The following MYT1L variants were observed in gnomAD, a reference collection of about 807,000 sequenced individuals.
The protein encoded by MYT1L is myelin transcription factor 1 like.
In MYT1L, 12 loss-of-function variants were observed where a neutral mutation model predicts 126.7. The observed-to-expected ratio is 0.09, with a 90% confidence interval of 0.06 to 0.15. The LOEUF (loss-of-function observed/expected upper bound fraction) is 0.15. Among genes scored for constraint, MYT1L ranks in the 10% least tolerant of loss-of-function variants. MYT1L has a pLI of 1.00. For synonymous variants in MYT1L, 541 were observed against 604.2 expected, an observed-to-expected ratio of 0.90 and a Z score of 1.53; for missense variants, 979 against 1,585.2, an observed-to-expected ratio of 0.62 and a Z score of 6.49.
At chr2:2,004,816 A>ATTCTTTCCTGCATGTG (rs1160589393) in intron 4 of MYT1L, among the ~76,000 whole-genome samples, 2 of 111,724 alleles carry the variant, frequency 1.8e-5, no homozygotes, top group African/African-American at 7.0e-5. Context: ...TCCTGCAGGC[A>ATTCTTTCCTGCATGTG]TTCTTTCCTG....
At position 1,852,274 on chromosome 2, in the gene MYT1L, C is replaced by G. The variant is rs2043374394; in HGVS notation, c.2712-571G>C. ...TGCAGGCCGACTGTCTTTCCGATGA[C>G]CACTGTGCACTCAGGCAGGTTTGAT... On this transcript the variant is annotated intron_variant, in intron 18 of 24. Coordinates refer to ENST00000647738, the MANE Select transcript of MYT1L (RefSeq NM_001303052.2). The surrounding 1 kb of genome is among the most constrained non-coding windows in gnomAD (Gnocchi z 4.0). Among the ~76,000 whole-genome samples, 2 of 152,142 alleles carry G rather than the reference C, an allele frequency of 1.3e-5. No homozygotes were observed. The highest frequency in any genetic ancestry group is 2.9e-5 in the Non-Finnish European group (2 of 68,030).
intron 2 of MYT1L, among the ~76,000 whole-genome samples, chr2:2,198,939 C>A (rs1354790201): frequency 6.6e-6 from 1 of 152,034 alleles, no homozygotes. Context: ...TGCATTGAAA[C>A]ATCACACCAT....
chr2:1,920,225 C>T (rs2053399161), intron 10 of MYT1L, among the ~76,000 whole-genome samples: 1 of 152,174 alleles, frequency 6.6e-6, no homozygotes, highest in African/African-American at 2.4e-5. Context: ...CATCTCAGTT[C>T]TTACTGTTCA....
intron 15 of MYT1L, 102 bp downstream of exon 15, chr2:1,891,935 C>G: frequency 1.4e-6 from 2 of 1,433,314 alleles, no homozygotes; most frequent in Non-Finnish European, 1.8e-6. Flanking sequence ...ACGGCGTTTG[C>G]CCCATACAGC....
At chr2:2,153,405 A>G (rs1277900767) in intron 3 of MYT1L, among the ~76,000 whole-genome samples, 2 of 152,240 alleles carry the variant, frequency 1.3e-5, no homozygotes, top group Admixed American at 6.5e-5. Context: ...GGCTTTGCCC[A>G]AGCAGTCAGA....
At chr2:1,923,851 G>T (rs2053885281) in intron 9 of MYT1L, among the ~76,000 whole-genome samples, 1 of 152,228 alleles carries the variant, frequency 6.6e-6, no homozygotes, top group African/African-American at 2.4e-5. Context: ...TGAATTAAGA[G>T]TTCTTTTGAA....
chr2:1,823,731 C>T (rs573429007), intron 21 of MYT1L, among the ~76,000 whole-genome samples: 1 of 151,834 alleles, frequency 6.6e-6, no homozygotes, highest in Non-Finnish European at 1.5e-5. Context: ...AGGCTCCTGG[C>T]ACGAGCAGCG....
In MYT1L at chr2:1,791,734, T is replaced by A; in HGVS notation, c.*133A>T. ...TCTTTAAAGCAAGACATAAAATCATTATGAAGTCTTGTAAGCATAACACTG... is the reference window on the plus strand; with the variant it reads ...TCTTTAAAGCAAGACATAAAATCATAATGAAGTCTTGTAAGCATAACACTG... On this transcript the variant is annotated 3_prime_UTR_variant, in exon 25 of 25. Coordinates refer to ENST00000647738, the MANE Select transcript of MYT1L (RefSeq NM_001303052.2). This position sits in a 1 kb window ranked among gnomAD's most constrained non-coding sequence, Gnocchi z 6.0. 2 of 884,360 alleles carry A rather than the reference T, an allele frequency of 2.3e-6. No individual in the cohort carries two copies. The highest frequency in any genetic ancestry group is 3.3e-6 in the Non-Finnish European group (2 of 606,274). The allele number at this position is 884,360 out of a possible 1,614,324, so 54.8% of individuals were successfully genotyped here.
chr2:1,804,939 T>C (rs1032268910), intron 22 of MYT1L, among the ~76,000 whole-genome samples: 4 of 152,178 alleles, frequency 2.6e-5, no homozygotes, highest in Non-Finnish European at 1.5e-5. Context: ...CCTTCTCTCC[T>C]AAACACTGCC....
Position 1,852,213 on chromosome 2 carries a change from CA to C in MYT1L, c.2712-511del, listed in dbSNP as rs368249226. On this transcript the variant is annotated intron_variant, in intron 18 of 24. Coordinates refer to ENST00000647738, the MANE Select transcript of MYT1L (RefSeq NM_001303052.2). This position sits in a 1 kb window ranked among gnomAD's most constrained non-coding sequence, Gnocchi z 4.0. ...GGCCAGCCTGGGTGGTCCCAGGGAG[CA>C]GTGAGGGTATCGACCCGCATCTGGA... 3.9e-5 allele frequency among the ~76,000 whole-genome samples: 6 copies of C among 152,300 alleles called. No individual in the cohort carries two copies. Among genetic ancestry groups the C allele is most frequent in the Non-Finnish European group, 8.8e-5 (6 of 68,042 alleles).
rs1405435163 is a variant in MYT1L, at chr2:1,943,398, T to C, written c.153-64A>G. On this transcript the variant is annotated intron_variant, in intron 8 of 24. Transcript: ENST00000647738. This position sits in a 1 kb window ranked among gnomAD's most constrained non-coding sequence, Gnocchi z 4.4. ...AAAAAATATCTGTGTTACTGTCTTT[T>C]AAAATCAGACCAATGGGGGCCTTGA... 2 of 1,457,000 alleles carry C rather than the reference T, an allele frequency of 1.4e-6. No homozygotes were observed. The highest frequency in any genetic ancestry group is 1.8e-6 in the Non-Finnish European group (2 of 1,106,096). The allele number at this position is 1,457,000 out of a possible 1,614,324, so 90.3% of individuals were successfully genotyped here.
At chr2:2,031,521 C>T (rs2066252500) in intron 4 of MYT1L, among the ~76,000 whole-genome samples, 1 of 149,138 alleles carries the variant, frequency 6.7e-6, no homozygotes, top group African/African-American at 2.5e-5. Context: ...ATACACACCC[C>T]TCCCAAGTGC....
At chr2:2,181,241 T>A (rs926884659) in intron 2 of MYT1L, among the ~76,000 whole-genome samples, 1 of 151,406 alleles carries the variant, frequency 6.6e-6, no homozygotes, top group Non-Finnish European at 1.5e-5. Flanking sequence ...CCTGTGTATA[T>A]CTGTGTGTGC....
Position 1,943,070 on chromosome 2 carries a change from ATCCTCCTCCTCGATC to A in MYT1L, c.402_416del (p.Glu134_Glu138del). The A allele has an allele frequency of 2.1e-6, 3 of 1,450,998 alleles. No individual in the cohort carries two copies. The highest frequency in any genetic ancestry group is 1.2e-5 in the South Asian group (1 of 81,804). The allele number at this position is 1,450,998 out of a possible 1,614,324, so 89.9% of individuals were successfully genotyped here. ...CTTCTCCATCCTCGTCATCGTCCTC[ATCCTCCTCCTCGATC>A]TCCTCCTCCTCCTCCCGGTCCCCCT... On this transcript the variant is annotated inframe_deletion, in exon 9 of 25. Transcript: ENST00000647738. The surrounding 1 kb of genome is among the most constrained non-coding windows in gnomAD (Gnocchi z 4.4).
At chr2:2,022,602 G>A (rs1031634219) in intron 4 of MYT1L, among the ~76,000 whole-genome samples, 2 of 151,858 alleles carry the variant, frequency 1.3e-5, no homozygotes, top group African/African-American at 4.8e-5. Context: ...GTCAAATGCT[G>A]CACTTGACCT....
intron 4 of MYT1L, among the ~76,000 whole-genome samples, chr2:2,003,668 T>C (rs1225089956): frequency 1.3e-5 from 2 of 152,128 alleles, no homozygotes; most frequent in East Asian, 1.9e-4. Flanking sequence ...TGCCACCCCA[T>C]CACCTTTGAG....
At chr2:2,274,542 T>C (rs2095323295) in intron 2 of MYT1L, among the ~76,000 whole-genome samples, 1 of 152,198 alleles carries the variant, frequency 6.6e-6, no homozygotes. Flanking sequence ...TTGCTAGTAT[T>C]GGAAGATTTT....
intron 3 of MYT1L, among the ~76,000 whole-genome samples, chr2:2,162,972 C>G (rs1020238415): frequency 6.6e-5 from 10 of 152,062 alleles, no homozygotes; most frequent in African/African-American, 2.4e-4. Flanking sequence ...AATTTACTGC[C>G]CGCACTGATA....
intron 18 of MYT1L, among the ~76,000 whole-genome samples, chr2:1,871,686 C>T (rs2046306827): frequency 6.6e-6 from 1 of 152,200 alleles, no homozygotes; most frequent in Non-Finnish European, 1.5e-5. Context: ...CTCAGGCCAC[C>T]TCAGTCCTCA....
Sources: gnomAD v4.1 joint callset for allele counts (sites outside exome capture counted in the v4.1 genomes callset) on GRCh38, gnomAD v4.1.1 for gene constraint, Gnocchi (gnomAD v3.1) non-coding constraint, MANE v1.5 for transcripts, NCBI Gene and HGNC (gene_info 2026-07-23, HGNC 2026-07-21) for gene names.